Variants in PLCB1 observed in about 807,000 individuals in gnomAD.
PLCB1 encodes 1-phosphatidylinositol 4,5-bisphosphate phosphodiesterase beta-1.
A neutral mutation model predicts 161.8 loss-of-function variants in PLCB1; 46 were observed. That is an observed-to-expected ratio of 0.28 (90% CI 0.22 to 0.36). The LOEUF (loss-of-function observed/expected upper bound fraction) is 0.36. Ranked by LOEUF, PLCB1 falls within the 10% of genes least tolerant of loss-of-function variation. The probability of loss-of-function intolerance (pLI) is 1.00; values close to 1 mark genes in which losing one functional copy is unlikely to be tolerated. For synonymous variants in PLCB1, 517 were observed against 503.7 expected, an observed-to-expected ratio of 1.03 and a Z score of -0.35; for missense variants, 1,016 against 1,472.5, an observed-to-expected ratio of 0.69 and a Z score of 5.07.
intron 2 of PLCB1, among the ~76,000 whole-genome samples, chr20:8,341,857 A>G (rs929114678): frequency 1.3e-5 from 2 of 152,230 alleles, no homozygotes; most frequent in African/African-American, 2.4e-5. Context: ...AGGAACTACT[A>G]TCATCATTTT....
chr20:8,860,198 A>G (rs1987206346), intron 31 of PLCB1, among the ~76,000 whole-genome samples: 1 of 152,242 alleles, frequency 6.6e-6, no homozygotes, highest in Admixed American at 6.5e-5. Flanking sequence ...TAGTGCCAGG[A>G]TATAGTAAAT....
intron 3 of PLCB1, among the ~76,000 whole-genome samples, chr20:8,446,473 A>G (rs1005916177): frequency 6.6e-6 from 1 of 152,150 alleles, no homozygotes; most frequent in Admixed American, 6.5e-5. Flanking sequence ...GCAAAAACTG[A>G]AAGCATTCCC....
chr20:8,358,550 G>A (rs942742407), intron 2 of PLCB1, among the ~76,000 whole-genome samples: 9 of 151,546 alleles, frequency 5.9e-5, no homozygotes, highest in East Asian at 1.9e-4. Flanking sequence ...CGAGCCCGGC[G>A]TGTCCTACCC....
At chr20:8,831,283 TC>T in intron 31 of PLCB1, 1 of 154,384 alleles carries the variant, frequency 6.5e-6, no homozygotes, top group Non-Finnish European at 1.4e-5. Context: ...ACTGTCCTTT[TC>T]CATGACATTG....
chr20:8,541,576 G>GAAAC (rs1985323608), intron 3 of PLCB1, among the ~76,000 whole-genome samples: 1 of 149,456 alleles, frequency 6.7e-6, no homozygotes, highest in African/African-American at 2.5e-5. Flanking sequence ...AAGAAAGAAA[G>GAAAC]AAAGAAAGAA....
At chr20:8,771,837 T>C (rs1314277499) in intron 26 of PLCB1, among the ~76,000 whole-genome samples, 2 of 152,106 alleles carry the variant, frequency 1.3e-5, no homozygotes, top group East Asian at 1.9e-4. Context: ...AATGAATGGA[T>C]GGGCATTATG....
At chr20:8,831,915 TTTCTTTCTTTCTTTC>T (rs1986010543) in intron 31 of PLCB1, among the ~76,000 whole-genome samples, 1 of 16,180 alleles carries the variant, frequency 6.2e-5, no homozygotes, top group African/African-American at 2.4e-4. Flanking sequence ...TTTCTTTCTC[TTTCTTTCTTTCTTTC>T]TTTCTTTCTT....
At chr20:8,549,534 C>T (rs1175971627) in intron 3 of PLCB1, among the ~76,000 whole-genome samples, 1 of 152,168 alleles carries the variant, frequency 6.6e-6, no homozygotes, top group Non-Finnish European at 1.5e-5. Flanking sequence ...ATAAATGAAT[C>T]ATGGGGGCAG....
At chr20:8,606,261 C>G (rs1371311968) in intron 3 of PLCB1, among the ~76,000 whole-genome samples, 1 of 152,108 alleles carries the variant, frequency 6.6e-6, no homozygotes, top group East Asian at 1.9e-4. Flanking sequence ...GTCAATTTTT[C>G]CAAACAGTTA....
intron 2 of PLCB1, among the ~76,000 whole-genome samples, chr20:8,270,719 A>C (rs377224396): frequency 2.0e-5 from 3 of 152,128 alleles, no homozygotes; most frequent in Non-Finnish European, 4.4e-5. Flanking sequence ...TTTATTCTTT[A>C]GTGTGTGTTT....
intron 31 of PLCB1, among the ~76,000 whole-genome samples, chr20:8,805,469 CAAAA>C (rs1404517432): frequency 2.6e-5 from 4 of 152,050 alleles, no homozygotes; most frequent in African/African-American, 4.8e-5. Context: ...ATAGAAAACA[CAAAA>C]GAACAGAAAA....
intron 3 of PLCB1, among the ~76,000 whole-genome samples, chr20:8,415,890 C>G (rs1410146237): frequency 6.6e-6 from 1 of 152,190 alleles, no homozygotes; most frequent in Admixed American, 6.5e-5. Context: ...GTCAGTTTGC[C>G]TTAGGTAGGT....
At chr20:8,599,870 C>G (rs1987482192) in intron 3 of PLCB1, among the ~76,000 whole-genome samples, 4 of 148,500 alleles carry the variant, frequency 2.7e-5, no homozygotes, top group Non-Finnish European at 4.5e-5. Context: ...TCACTGATAC[C>G]CTTTCTTCCA....
intron 3 of PLCB1, among the ~76,000 whole-genome samples, chr20:8,492,866 G>C (rs959180369): frequency 6.6e-6 from 1 of 151,762 alleles, no homozygotes; most frequent in Admixed American, 6.6e-5. Flanking sequence ...GTGTGTGTGT[G>C]TGTGTGTGCA....
chr20:8,235,511 A>G (rs1054333561), intron 2 of PLCB1, among the ~76,000 whole-genome samples: 7 of 152,162 alleles, frequency 4.6e-5, no homozygotes, highest in Admixed American at 4.6e-4. Flanking sequence ...AATCTCTTAC[A>G]AATTAGAAAT....
rs373931059 is a variant in PLCB1, at chr20:8,647,969, A to G, written c.518+16A>G. The G allele has an allele frequency of 1.3e-6, 2 of 1,509,478 alleles. No homozygotes were observed. The highest frequency in any genetic ancestry group is 1.8e-6 in the Non-Finnish European group (2 of 1,115,824). 93.5% of individuals were successfully genotyped at this position (1,509,478 alleles called of 1,614,324 possible). ...CTCTCAAAAAGTAAGCTTTGTGAGC[A>G]TTTCTCATTATTCATTTTATTTTCC... On this transcript the variant is annotated intron_variant, in intron 6 of 31. Transcript: ENST00000338037.
intron 2 of PLCB1, among the ~76,000 whole-genome samples, chr20:8,315,227 A>G (rs546847341): frequency 6.6e-6 from 1 of 152,312 alleles, no homozygotes; most frequent in South Asian, 2.1e-4. Context: ...TGACCGAGGA[A>G]GTAACATATA....
intron 17 of PLCB1, among the ~76,000 whole-genome samples, chr20:8,728,272 A>G (rs1231191998): frequency 6.6e-6 from 1 of 152,082 alleles, no homozygotes; most frequent in African/African-American, 2.4e-5. Flanking sequence ...TCAGCTAGCA[A>G]GTTTGAGAGT....
chr20:8,540,393 C>T (rs1985263943), intron 3 of PLCB1, among the ~76,000 whole-genome samples: 1 of 152,138 alleles, frequency 6.6e-6, no homozygotes, highest in South Asian at 2.1e-4. Context: ...CAAAGGTTCA[C>T]AGGTGGCTGA....
Sources: gnomAD v4.1 joint callset for allele counts (sites outside exome capture counted in the v4.1 genomes callset) on GRCh38, gnomAD v4.1.1 for gene constraint, MANE v1.5 for transcripts, NCBI Gene and HGNC (gene_info 2026-07-23, HGNC 2026-07-21) for gene names.